The following XIRP1 variants were observed in gnomAD, a reference collection of about 807,000 sequenced individuals.
XIRP1 encodes the protein xin actin binding repeat containing 1.
For synonymous variants in XIRP1, 984 were observed against 947.0 expected (o/e 1.04, Z -0.72); for missense variants, 2,378 against 2,345.4 (o/e 1.01, Z -0.29).
rs770334074 is a variant in XIRP1 at position 39,186,564 on chromosome 3, G to A, written c.2882C>T (p.Ala961Val). The A allele has an allele frequency of 3.1e-6, 5 of 1,611,150 alleles. No homozygotes were observed. The Admixed American group carries it at 5.0e-5, about 16-fold the overall frequency. The change falls in exon 2 of 2, where the codon GCC (alanine) becomes GTC (valine). Residue 961 changes from alanine (A) to valine (V), a missense_variant. Coordinates refer to ENST00000340369, the MANE Select transcript of XIRP1 (RefSeq NM_194293.4). ...GCTCTCAGTTGGGTGCAGGCTCTGGGCCCCCTCGCTGGCTGGCACTGGACT... is the reference window on the plus strand; with the variant it reads ...GCTCTCAGTTGGGTGCAGGCTCTGGACCCCCTCGCTGGCTGGCACTGGACT... ...DPSPVPASEG[A>V]QSLHPTESII...
Position 39,183,892 on chromosome 3 carries a change from G to A in XIRP1, c.*22C>T, listed in dbSNP as rs776138187. On this transcript the variant is annotated 3_prime_UTR_variant, in exon 2 of 2. Transcript: ENST00000340369. ...AGTGGAGGCCAGGAACAGGTGGCAG[G>A]TGTGGTGGGAGGCGGTGGGCCTCAC... The A allele has an allele frequency of 1.2e-6, 2 of 1,601,036 alleles. No individual in the cohort carries two copies. The highest frequency in any genetic ancestry group is 2.2e-5 in the South Asian group (2 of 89,760).
rs1474759944 is a variant in XIRP1, at chr3:39,185,727, G to T, written c.3719C>A (p.Pro1240His). 1.2e-6 allele frequency: 2 copies of T among 1,609,082 alleles called. No individual in the cohort carries two copies. Among genetic ancestry groups the T allele is most frequent in the Admixed American group, 1.7e-5 (1 of 59,464 alleles). Reference sequence around the variant, plus strand: ...GTGCGGGCTGGCACCTGCAGCTTGGGGCCCAGAGGCCAGAATGTGGCGGCC... The same window carrying T: ...GTGCGGGCTGGCACCTGCAGCTTGGTGCCCAGAGGCCAGAATGTGGCGGCC... ...PLGRHILASGPQAAGASPHPH... is the reference protein window; with the variant it reads ...PLGRHILASGHQAAGASPHPH... Residue 1240 changes from proline (P) to histidine (H), a missense_variant, in exon 2 of 2, where the codon CCC (proline) becomes CAC (histidine). Physicochemically the swap from Pro to His is moderately conservative, Grantham distance 77. Transcript: ENST00000340369.
At chr3:39,190,785 G>C (rs911368603) in intron 1 of XIRP1, among the ~76,000 whole-genome samples, 8 of 152,166 alleles carry the variant, frequency 5.3e-5, no homozygotes, top group Non-Finnish European at 8.8e-5. Context: ...GCCCCCTCCT[G>C]CTGCCCCTGA....
rs373841784 is a variant in XIRP1 at position 39,184,963 on chromosome 3, G to A, written c.4483C>T (p.Arg1495Trp). The A allele has an allele frequency of 3.9e-6, 6 of 1,542,606 alleles. No homozygotes were observed. The highest frequency in any genetic ancestry group is 2.3e-5 in the East Asian group (1 of 44,286). ...AASSVDVQAL[R>W]RLFEAVPQLG... The stretch of plus-strand genomic sequence containing the variant: ...TGGGGCACGGCCTCAAAGAGCCTCC[G>A]CAGGGCCTGCACGTCCACACTGCTT... The change falls in exon 2 of 2, where the codon CGG (arginine) becomes TGG (tryptophan). Residue 1495 changes from arginine (R) to tryptophan (W), a missense_variant. Physicochemically the swap from Arg to Trp is moderately radical, Grantham distance 101 (BLOSUM62 -3). Transcript: ENST00000340369.
rs1335272605 is a variant in XIRP1 at position 39,185,750 on chromosome 3, G to T, written c.3696C>A (p.Gly1232=). The T allele has an allele frequency of 6.2e-7, 1 of 1,607,826 alleles. No homozygotes were observed. Among genetic ancestry groups the T allele is most frequent in the Admixed American group, 1.7e-5 (1 of 59,278 alleles). The stretch of plus-strand genomic sequence containing the variant: ...GGGGCCCAGAGGCCAGAATGTGGCG[G>T]CCTAGAGGGGCAGTCTTCAGGGTGG... ...AETTLKTAPL[G]RHILASGPQA... The change falls in exon 2 of 2, where the codon GGC becomes GGA. Residue 1232 remains glycine, a synonymous_variant. Coordinates refer to ENST00000340369, the MANE Select transcript of XIRP1 (RefSeq NM_194293.4).
chr3:39,187,760 G>T lies in XIRP1; in HGVS notation c.1686C>A (p.Ile562=). 1.9e-6 allele frequency: 3 copies of T among 1,614,092 alleles called. No homozygotes were observed. Among genetic ancestry groups the T allele is most frequent in the Non-Finnish European group, 2.5e-6 (3 of 1,180,026 alleles). ...GTCGTTCCTGCTGCTCCCGTTGGTG[G>T]ATCATCTCCAGGGGCTGGGTCTCAA... ...WLFETQPLEM[I]HQREQQERQK... The change falls in exon 2 of 2, where the codon ATC becomes ATA. Residue 562 remains isoleucine, a synonymous_variant. Transcript: ENST00000340369.
At position 39,183,910 on chromosome 3, in the gene XIRP1, G is replaced by A. The variant is rs201019991; in HGVS notation, c.*4C>T. 632 of 1,607,648 alleles carry A rather than the reference G, an allele frequency of 3.9e-4. 4 individuals are homozygous for A. In the African/African-American group the frequency reaches 7.9e-3, roughly 20 times the overall value. The stretch of plus-strand genomic sequence containing the variant: ...GTGGCAGGTGTGGTGGGAGGCGGTG[G>A]GCCTCACTGGGCAGCTGGCTGGGAG... On this transcript the variant is annotated 3_prime_UTR_variant, in exon 2 of 2. Coordinates refer to ENST00000340369, the MANE Select transcript of XIRP1 (RefSeq NM_194293.4).
intron 1 of XIRP1, among the ~76,000 whole-genome samples, chr3:39,191,148 G>A (rs1049052740): frequency 1.3e-5 from 2 of 152,200 alleles, no homozygotes; most frequent in African/African-American, 2.4e-5. Context: ...ACCCTGGCAT[G>A]TCCACCAAAG....
rs758869210 is a variant in XIRP1 at position 39,185,910 on chromosome 3, C to T, written c.3536G>A (p.Arg1179His). ...CTGACCTGGGCCTCCCTGGAGTGGG[C>T]GGGGAGCCTGGACTGAGAGGGCAGT... ...RETALSVQAP[R>H]PLQGGPGQST... Residue 1179 changes from arginine (R) to histidine (H), a missense_variant, in exon 2 of 2, where the codon CGC becomes CAC. Coordinates refer to ENST00000340369, the MANE Select transcript of XIRP1 (RefSeq NM_194293.4). The T allele has an allele frequency of 1.4e-5, 22 of 1,613,362 alleles. No individual in the cohort carries two copies. Among genetic ancestry groups the T allele is most frequent in the Admixed American group, 1.7e-5 (1 of 59,950 alleles).
Position 39,188,577 on chromosome 3 carries a change from A to C in XIRP1, c.869T>G (p.Val290Gly). ...CTCCTCCAGGGAAATCCCCCGGATC[A>C]CCCGCACCTGGCTGGGGTCCTGGTT... ...AINQDPSQVR[V>G]IRGISLEEGA... The change falls in exon 2 of 2, where the codon GTG becomes GGG. Residue 290 changes from valine (V) to glycine (G), a missense_variant. Coordinates refer to ENST00000340369, the MANE Select transcript of XIRP1 (RefSeq NM_194293.4). 1 of 1,613,424 alleles carries C rather than the reference A, an allele frequency of 6.2e-7. No homozygotes were observed. The highest frequency in any genetic ancestry group is 8.5e-7 in the Non-Finnish European group (1 of 1,179,592).
In XIRP1 at chr3:39,188,140, C is replaced by A; in HGVS notation, c.1306G>T (p.Gly436Trp). ...QSAPQRDELK[G>W]DVKTFKNLFE... is the part of the protein sequence containing the mutation. Reference sequence around the variant, plus strand: ...AGGTTCTTAAAAGTCTTCACATCCCCCTTTAGCTCATCCCTCTGGGGGGCA... The same window carrying A: ...AGGTTCTTAAAAGTCTTCACATCCCACTTTAGCTCATCCCTCTGGGGGGCA... The change falls in exon 2 of 2, where the codon GGG becomes TGG. Residue 436 changes from glycine (G) to tryptophan (W), a missense_variant. Coordinates refer to ENST00000340369, the MANE Select transcript of XIRP1 (RefSeq NM_194293.4). The A allele has an allele frequency of 6.2e-7, 1 of 1,614,194 alleles. No homozygotes were observed. Among genetic ancestry groups the A allele is most frequent in the Non-Finnish European group, 8.5e-7 (1 of 1,180,042 alleles).
rs2125901039 is a variant in XIRP1, at chr3:39,186,723, G to A, written c.2723C>T (p.Thr908Ile). ...TAGCCGGGGCTGCAGAGAGTAGGCA[G>A]TCAGTGCGACCAGGCCCTGCTCTGT... ...QETEQGLVALTAYSLQPRLTS... is the reference protein window; with the variant it reads ...QETEQGLVALIAYSLQPRLTS... The change falls in exon 2 of 2, where the codon ACT becomes ATT. Residue 908 changes from threonine (T) to isoleucine (I), a missense_variant. Transcript: ENST00000340369. 1 of 1,614,014 alleles carries A rather than the reference G, an allele frequency of 6.2e-7. No homozygotes were observed. Among genetic ancestry groups the A allele is most frequent in the Non-Finnish European group, 8.5e-7 (1 of 1,180,038 alleles).
rs926277634 is a variant in XIRP1, at chr3:39,186,449, T to G, written c.2997A>C (p.Gly999=). The G allele has an allele frequency of 1.2e-6, 2 of 1,614,132 alleles. No individual in the cohort carries two copies. The highest frequency in any genetic ancestry group is 1.7e-6 in the Non-Finnish European group (2 of 1,180,006). Reference sequence around the variant, plus strand: ...CTTCCCCAGCCAGAGGGACTGCCTTTCCAATGGCCTGAGGAGGGCAAGGGG... The same window carrying G: ...CTTCCCCAGCCAGAGGGACTGCCTTGCCAATGGCCTGAGGAGGGCAAGGGG... ...GATPCPPQAI[G]KAVPLAGEAA... Residue 999 remains glycine (G), a synonymous_variant, in exon 2 of 2, where the codon GGA becomes GGC. Coordinates refer to ENST00000340369, the MANE Select transcript of XIRP1 (RefSeq NM_194293.4).
Position 39,185,379 on chromosome 3 carries a change from A to G in XIRP1, c.4067T>C (p.Val1356Ala), listed in dbSNP as rs112138546. ...LPLSPSFSSE[V>A]GQREHQRGER... ...ACCTCGTTGGTGTTCTCTTTGCCCC[A>G]CCTCCGAGGAAAAGCTGGGAGATAG... The change falls in exon 2 of 2, where the codon GTG becomes GCG. Residue 1356 changes from valine to alanine, a missense_variant. Val to Ala is a moderately conservative substitution (Grantham distance 64). Coordinates refer to ENST00000340369, the MANE Select transcript of XIRP1 (RefSeq NM_194293.4). 7.4e-6 allele frequency: 12 copies of G among 1,613,750 alleles called. No individual in the cohort carries two copies. In the African/African-American group the frequency reaches 9.3e-5, roughly 13 times the overall value.
rs376631850 is a variant in XIRP1, at chr3:39,184,782, T to C, written c.4664A>G (p.His1555Arg). The change falls in exon 2 of 2, where the codon CAC (histidine) becomes CGC (arginine). Residue 1555 changes from histidine to arginine, a missense_variant. Transcript: ENST00000340369. ...ARLLDIEEAVHKALSSMSSLQ... is the reference protein window; with the variant it reads ...ARLLDIEEAVRKALSSMSSLQ... ...GCTAGACATGGAGCTGAGTGCCTTG[T>C]GCACAGCCTCTTCAATGTCCAGCAG... is the stretch of plus-strand genomic sequence containing the variant. The C allele has an allele frequency of 6.2e-7, 1 of 1,614,248 alleles. No individual in the cohort carries two copies. Among genetic ancestry groups the C allele is most frequent in the Non-Finnish European group, 8.5e-7 (1 of 1,180,032 alleles).
intron 1 of XIRP1, among the ~76,000 whole-genome samples, chr3:39,191,901 A>G (rs2040093170): frequency 1.3e-5 from 2 of 152,148 alleles, no homozygotes; most frequent in Non-Finnish European, 2.9e-5. Flanking sequence ...ATTCCACCCC[A>G]GGTTTTAGGC....
rs761998446 is a variant in XIRP1 at position 39,185,979 on chromosome 3, C to A, written c.3467G>T (p.Gly1156Val). 5.0e-6 allele frequency: 8 copies of A among 1,614,098 alleles called. No individual in the cohort carries two copies. The highest frequency in any genetic ancestry group is 1.6e-4 in the Middle Eastern group (1 of 6,062). The change falls in exon 2 of 2, where the codon GGT (glycine) becomes GTT (valine). Residue 1156 changes from glycine to valine, a missense_variant. Transcript: ENST00000340369. ...GGGTTCCCTCTGAGAAAGCTGGACA[C>A]CCCCAGGTGGGTCAAAGGTCCTCAC... Reference protein sequence around the residue: ...HPVRTFDPPGGVQLSQREPQS... With the variant: ...HPVRTFDPPGVVQLSQREPQS...
rs2039944799 is a variant in XIRP1 at position 39,185,320 on chromosome 3, C to A, written c.4126G>T (p.Val1376Phe). 2.5e-6 allele frequency: 4 copies of A among 1,614,060 alleles called. No individual in the cohort carries two copies. In the South Asian group the frequency reaches 3.3e-5, roughly 13 times the overall value. Residue 1376 changes from valine (V) to phenylalanine (F), a missense_variant, in exon 2 of 2, where the codon GTT becomes TTT. Physicochemically the swap from Val to Phe is conservative, Grantham distance 50. Transcript: ENST00000340369. ...TGGCCCTGGTCTACAGTAGTGGGAA[C>A]CTTGGCTGGCTGAGGGATGGCTGTA... ...RDTAIPQPAK[V>F]PTTVDQGHIP... is the part of the protein sequence containing the mutation.
intron 1 of XIRP1, among the ~76,000 whole-genome samples, chr3:39,190,882 G>A (rs545021984): frequency 8.5e-5 from 13 of 152,308 alleles, no homozygotes; most frequent in African/African-American, 2.9e-4. Flanking sequence ...GGAGGCTGAG[G>A]CCCAGCCAGT....
Sources: gnomAD v4.1 joint callset for allele counts (sites outside exome capture counted in the v4.1 genomes callset) on GRCh38, gnomAD v4.1.1 for gene constraint, MANE v1.5 for transcripts, NCBI Gene and HGNC (gene_info 2026-07-23, HGNC 2026-07-21) for gene names.